The following AGBL4 variants were observed in gnomAD, a reference collection of about 807,000 sequenced individuals.
The protein encoded by AGBL4 is cytosolic carboxypeptidase 6.
In AGBL4, 58 loss-of-function variants were observed where a neutral mutation model predicts 66.4. The ratio of observed to expected loss-of-function variants is 0.87; its 90% CI spans 0.71 to 1.09. The LOEUF (loss-of-function observed/expected upper bound fraction) is 1.09. Ranked by LOEUF, AGBL4 falls within the 50% of genes least tolerant of loss-of-function variation. The probability of loss-of-function intolerance (pLI) is 0.00; values close to 1 mark genes in which losing one functional copy is unlikely to be tolerated. For synonymous variants in AGBL4, 234 were observed against 222.9 expected (o/e 1.05, Z -0.44); for missense variants, 579 against 631.0 (o/e 0.92, Z 0.88).
intron 2 of AGBL4, among the ~76,000 whole-genome samples, chr1:49,755,161 G>T (rs1454408461): frequency 6.6e-6 from 1 of 152,140 alleles, no homozygotes; most frequent in East Asian, 1.9e-4. Flanking sequence ...CAACCCTTAA[G>T]ATCAGTGTTA....
At chr1:49,429,106 T>G (rs957032950) in intron 3 of AGBL4, among the ~76,000 whole-genome samples, 2 of 152,194 alleles carry the variant, frequency 1.3e-5, no homozygotes, top group Non-Finnish European at 2.9e-5. Flanking sequence ...CCAATAGTGT[T>G]CTATAGCAAT....
intron 5 of AGBL4, among the ~76,000 whole-genome samples, chr1:49,044,198 G>C (rs1644018030): frequency 6.6e-6 from 1 of 152,138 alleles, no homozygotes. Flanking sequence ...ACAAGAGGAA[G>C]AGAGGGAAGT....
At chr1:49,700,302 G>C (rs12021741) in intron 2 of AGBL4, among the ~76,000 whole-genome samples, 2 of 17,078 alleles carry the variant, frequency 1.2e-4, no homozygotes, top group Non-Finnish European at 2.6e-4. Flanking sequence ...ACATTAAATA[G>C]ATAGATAGAT....
chr1:49,999,545 A>G (rs1026590145), intron 1 of AGBL4, among the ~76,000 whole-genome samples: 27 of 152,110 alleles, frequency 1.8e-4, no homozygotes, highest in African/African-American at 5.8e-4. Flanking sequence ...ATATCAAAAT[A>G]CCACCATCAT....
At chr1:48,654,778 G>A (rs1645991742) in intron 7 of AGBL4, among the ~76,000 whole-genome samples, 2 of 152,178 alleles carry the variant, frequency 1.3e-5, no homozygotes, top group South Asian at 4.1e-4. Context: ...TTTTCATTAG[G>A]CCAGGGCTGA....
At chr1:48,586,337 G>C (rs1644819369) in intron 11 of AGBL4, 1 of 152,194 alleles carries the variant, frequency 6.6e-6, no homozygotes, top group East Asian at 1.9e-4. Flanking sequence ...AGGATGAGAG[G>C]GGAAAGACAA....
At chr1:49,340,313 T>C (rs765768655) in intron 3 of AGBL4, among the ~76,000 whole-genome samples, 1 of 152,066 alleles carries the variant, frequency 6.6e-6, no homozygotes, top group Non-Finnish European at 1.5e-5. Flanking sequence ...TCTAAGAATG[T>C]AGGTCTTTGA....
chr1:49,223,243 A>C (rs965058298), intron 4 of AGBL4, among the ~76,000 whole-genome samples: 22 of 152,200 alleles, frequency 1.4e-4, no homozygotes, highest in Admixed American at 1.4e-3. Flanking sequence ...CAAGATGGTA[A>C]GAGAAAGGAA....
chr1:49,575,266 C>G (rs1265732179), intron 3 of AGBL4, among the ~76,000 whole-genome samples: 1 of 152,164 alleles, frequency 6.6e-6, no homozygotes, highest in South Asian at 2.1e-4. Context: ...AGTTTTAGCT[C>G]TGACTTACAG....
intron 3 of AGBL4, among the ~76,000 whole-genome samples, chr1:49,479,097 G>C (rs1321208883): frequency 6.6e-6 from 1 of 151,838 alleles, no homozygotes; most frequent in African/African-American, 2.4e-5. Context: ...AAAACAACCA[G>C]AAAAGAAATA....
At chr1:48,634,649 G>T (rs760418748) in intron 8 of AGBL4, 45 bp from the exon 9 acceptor site, 1 of 1,406,028 alleles carries the variant, frequency 7.1e-7, no homozygotes, top group South Asian at 1.3e-5. Flanking sequence ...AGGATAAGCT[G>T]AGCTTCTCAC....
At chr1:48,845,744 C>T (rs1456720366) in intron 6 of AGBL4, among the ~76,000 whole-genome samples, 1 of 152,050 alleles carries the variant, frequency 6.6e-6, no homozygotes, top group Non-Finnish European at 1.5e-5. Flanking sequence ...ATTCTGGAGC[C>T]GAACTGCCTG....
chr1:49,845,981 C>T, intron 2 of AGBL4: 1 of 1,580,308 alleles, frequency 6.3e-7, no homozygotes, highest in South Asian at 1.1e-5. Flanking sequence ...TCAGCGAAAC[C>T]ACACTGAGGA....
Position 49,323,444 on chromosome 1 carries a change from G to A in AGBL4, c.283-77580C>T, listed in dbSNP as rs1015951787. Among the ~76,000 whole-genome samples, 3 of 137,932 alleles carry A rather than the reference G, an allele frequency of 2.2e-5. No individual in the cohort carries two copies. The Admixed American group carries it at 2.4e-4, about 11-fold the overall frequency. 90.5% of individuals were successfully genotyped at this position (137,932 alleles called of 152,430 possible). On this transcript the variant is annotated intron_variant, in intron 3 of 13. Coordinates refer to ENST00000371839, the MANE Select transcript of AGBL4 (RefSeq NM_032785.4). Reference sequence around the variant, plus strand: ...CTACAGGCGCACGCCGCCATGCCTGGCTAATTTTTTTTTTTTTTTTTTTTT... The same window carrying A: ...CTACAGGCGCACGCCGCCATGCCTGACTAATTTTTTTTTTTTTTTTTTTTT...
intron 4 of AGBL4, among the ~76,000 whole-genome samples, chr1:49,048,859 T>C (rs1353338999): frequency 1.3e-5 from 2 of 152,076 alleles, no homozygotes; most frequent in South Asian, 2.1e-4. Context: ...AGATCCTGTA[T>C]TAAGCCTAGG....
intron 4 of AGBL4, among the ~76,000 whole-genome samples, chr1:49,211,751 A>G (rs1334382143): frequency 6.6e-6 from 1 of 152,178 alleles, no homozygotes; most frequent in Non-Finnish European, 1.5e-5. Context: ...ATAGAGGTAT[A>G]TAAGAACTGC....
At chr1:49,088,264 A>G (rs1207858728) in intron 4 of AGBL4, among the ~76,000 whole-genome samples, 1 of 152,202 alleles carries the variant, frequency 6.6e-6, no homozygotes, top group Non-Finnish European at 1.5e-5. Context: ...TGAGCTAAAT[A>G]CCTCAATTAA....
intron 2 of AGBL4, among the ~76,000 whole-genome samples, chr1:49,698,599 C>A (rs746446870): frequency 6.6e-6 from 1 of 151,944 alleles, no homozygotes; most frequent in Non-Finnish European, 1.5e-5. Context: ...CTGGCTCTAA[C>A]CACTAGACAA....
chr1:48,931,746 C>T (rs915841454), intron 5 of AGBL4, among the ~76,000 whole-genome samples: 1 of 152,070 alleles, frequency 6.6e-6, no homozygotes, highest in Non-Finnish European at 1.5e-5. Flanking sequence ...AGGGCTCAAG[C>T]GATCTGCCAG....
Sources: allele counts gnomAD v4.1 joint callset (sites outside exome capture counted in the v4.1 genomes callset), GRCh38; gene constraint gnomAD v4.1.1; transcripts MANE v1.5; gene names NCBI Gene and HGNC (gene_info 2026-07-23, HGNC 2026-07-21).